Variants in FAM120A observed in about 807,000 individuals in gnomAD.
The protein encoded by FAM120A is constitutive coactivator of PPAR-gamma-like protein 1.
A neutral mutation model predicts 109.7 loss-of-function variants in FAM120A; 15 were observed. That is an observed-to-expected ratio of 0.14 (90% CI 0.09 to 0.21). The LOEUF is 0.21. Among genes scored for constraint, FAM120A ranks in the 10% least tolerant of loss-of-function variants. The pLI is 1.00. For synonymous variants in FAM120A, 493 were observed against 572.8 expected, an observed-to-expected ratio of 0.86 and a Z score of 1.99; for missense variants, 899 against 1,439.3, an observed-to-expected ratio of 0.62 and a Z score of 6.07.
At chr9:93,537,448 T>C (rs985452439) in intron 10 of FAM120A, among the ~76,000 whole-genome samples, 2 of 152,190 alleles carry the variant, frequency 1.3e-5, no homozygotes, top group African/African-American at 4.8e-5. Context: ...TAAAATTGGC[T>C]TTTGTTTCTT....
chr9:93,487,327 A>G (rs1206957498), intron 3 of FAM120A, among the ~76,000 whole-genome samples: 1 of 151,832 alleles, frequency 6.6e-6, no homozygotes, highest in Non-Finnish European at 1.5e-5. Flanking sequence ...ATGCCCAGCT[A>G]ATTTTTGTAT....
At chr9:93,564,129 T>G in intron 17 of FAM120A, 100 bp from the exon 18 acceptor site, 1 of 1,216,388 alleles carries the variant, frequency 8.2e-7, no homozygotes, top group Non-Finnish European at 1.2e-6. Context: ...CATTTTCTGC[T>G]CTTGAATCTG....
intron 5 of FAM120A, among the ~76,000 whole-genome samples, chr9:93,511,966 AT>A (rs1860341873): frequency 6.6e-6 from 1 of 152,006 alleles, no homozygotes; most frequent in Non-Finnish European, 1.5e-5. Context: ...TAATTTTTTT[AT>A]TTTTAGTAGA....
chr9:93,498,729 A>G lies in FAM120A; in HGVS notation c.934-61A>G, dbSNP rs538994484. 5.4e-4 allele frequency: 502 copies of G among 936,588 alleles called. No homozygotes were observed. Among genetic ancestry groups the G allele is most frequent in the Non-Finnish European group, 6.3e-4 (360 of 567,744 alleles). 58.0% of individuals were successfully genotyped at this position (936,588 alleles called of 1,614,324 possible). A position where few individuals can be genotyped will look rare whatever the true frequency, so the allele number is the denominator to read the frequency against. ...ATACATGTGCTGAATTATAAAAAAC[A>G]TTGTGATACACATGACCAGTGGCAC... On this transcript the variant is annotated intron_variant, in intron 4 of 17. Transcript: ENST00000277165. This position sits in a 1 kb window ranked among gnomAD's most constrained non-coding sequence, Gnocchi z 4.4.
At chr9:93,557,806 A>G in intron 13 of FAM120A, 21 bp from the exon 14 acceptor site, 1 of 1,603,912 alleles carries the variant, frequency 6.2e-7, no homozygotes, top group Non-Finnish European at 8.5e-7. Context: ...GCATTTTCAC[A>G]TGCTGGTCCT....
chr9:93,451,931 T>C lies in FAM120A; in HGVS notation c.16T>C (p.Phe6Leu). ...CGCCGCCGCCATGGGCGTGCAGGGC[T>C]TCCAGGACTACATCGAGAAGCACTG... MGVQG[F>L]QDYIEKHCPS... Residue 6 changes from phenylalanine (F) to leucine (L), a missense_variant, in exon 1 of 18, where the codon TTC (phenylalanine) becomes CTC (leucine). By Grantham distance (22) the Phe-to-Leu change is conservative (BLOSUM62 0). Around this residue, in one of 11 missense-constraint regions of FAM120A, gnomAD observed 258 missense variants for 451.4 expected, o/e 0.57. Coordinates refer to ENST00000277165, the MANE Select transcript of FAM120A (RefSeq NM_014612.5). 6.6e-7 allele frequency: 1 copy of C among 1,504,398 alleles called. No homozygotes were observed. 93.2% of individuals were successfully genotyped at this position (1,504,398 alleles called of 1,614,324 possible).
intron 12 of FAM120A, among the ~76,000 whole-genome samples, chr9:93,552,505 T>C (rs1284981553): frequency 1.3e-5 from 2 of 152,206 alleles, no homozygotes; most frequent in Admixed American, 6.5e-5. Flanking sequence ...TTTTCATGAT[T>C]AGTATAAATT....
At chr9:93,513,879 T>C (rs1265718195) in intron 5 of FAM120A, among the ~76,000 whole-genome samples, 1 of 152,220 alleles carries the variant, frequency 6.6e-6, no homozygotes, top group Admixed American at 6.5e-5. Flanking sequence ...CATTTGCTTT[T>C]CAGAGAACGA....
intron 3 of FAM120A, 31 bp from the exon 4 acceptor site, chr9:93,497,440 C>T: frequency 6.2e-7 from 1 of 1,610,274 alleles, no homozygotes; most frequent in South Asian, 1.1e-5. Context: ...TGCTCACCAT[C>T]CACTGTTGAC....
intron 7 of FAM120A, among the ~76,000 whole-genome samples, chr9:93,526,215 G>A (rs1344625569): frequency 6.6e-6 from 1 of 152,154 alleles, no homozygotes; most frequent in East Asian, 1.9e-4. Context: ...TTCCAGTGTG[G>A]TGCTGCATCC....
rs2131214093 is a variant in FAM120A at position 93,460,851 on chromosome 9, C to T, written c.474+8462C>T. 3.3e-5 allele frequency among the ~76,000 whole-genome samples: 5 copies of T among 152,316 alleles called. No homozygotes were observed. The Middle Eastern group carries it at 0.014, about 414-fold the overall frequency. ...CCCCCTAGAGTTAATTCCAAAATCACTGGTGTCAGCTTGGCCACCTGGTGC... is the reference window on the plus strand; with the variant it reads ...CCCCCTAGAGTTAATTCCAAAATCATTGGTGTCAGCTTGGCCACCTGGTGC... On this transcript the variant is annotated intron_variant, in intron 1 of 17. Transcript: ENST00000277165.
At chr9:93,478,776 C>A (rs1386187039) in intron 3 of FAM120A, among the ~76,000 whole-genome samples, 2 of 152,124 alleles carry the variant, frequency 1.3e-5, no homozygotes, top group Non-Finnish European at 2.9e-5. Context: ...GCACCCGGCT[C>A]ACTTTAATGT....
chr9:93,454,044 C>T (rs764092122), intron 1 of FAM120A, among the ~76,000 whole-genome samples: 4 of 152,120 alleles, frequency 2.6e-5, no homozygotes, highest in Non-Finnish European at 5.9e-5. Context: ...CTTTTTAATT[C>T]TACAGTTTCT....
At chr9:93,470,506 A>AT (rs1174778027) in intron 1 of FAM120A, among the ~76,000 whole-genome samples, 3 of 152,258 alleles carry the variant, frequency 2.0e-5, no homozygotes, top group Middle Eastern at 3.4e-3. Context: ...TGAAAAGGCA[A>AT]TTGATATAGA....
At chr9:93,453,685 CT>C in intron 1 of FAM120A, 1 of 941,552 alleles carries the variant, frequency 1.1e-6, no homozygotes, top group Non-Finnish European at 1.3e-6. Context: ...GCCCCTGCGC[CT>C]GGCAGACACA....
At chr9:93,479,184 C>T (rs540344571) in intron 3 of FAM120A, among the ~76,000 whole-genome samples, 188 of 149,092 alleles carry the variant, frequency 1.3e-3, no homozygotes, top group African/African-American at 4.4e-3. Flanking sequence ...CTGCAAGCTC[C>T]GCCTCCCGGT....
At chr9:93,458,785 A>G (rs1857665119) in intron 1 of FAM120A, among the ~76,000 whole-genome samples, 1 of 152,168 alleles carries the variant, frequency 6.6e-6, no homozygotes, top group Non-Finnish European at 1.5e-5. Flanking sequence ...CCCCAGTGGA[A>G]CTAATCTTGC....
At chr9:93,551,766 T>C (rs1862107367) in intron 12 of FAM120A, among the ~76,000 whole-genome samples, 1 of 152,198 alleles carries the variant, frequency 6.6e-6, no homozygotes. Flanking sequence ...GGAGCTCACC[T>C]GAGACTTCTT....
At position 93,497,596 on chromosome 9, in the gene FAM120A, A is replaced by C; in HGVS notation, c.930A>C (p.Ser310=). ...DAIAKDVFQH[S]QSRTDDKVIR... ...TAGCTAAAGATGTTTTCCAGCATTC[A>C]CAGGTAAAAAAAAAAACAAACAAAA... The change falls in exon 4 of 18, where the codon TCA becomes TCC. Residue 310 remains serine (S), a synonymous_variant. Transcript: ENST00000277165. 1 of 1,585,182 alleles carries C rather than the reference A, an allele frequency of 6.3e-7. No individual in the cohort carries two copies. Among genetic ancestry groups the C allele is most frequent in the Admixed American group, 1.9e-5 (1 of 53,532 alleles).
Sources: allele counts gnomAD v4.1 joint callset (sites outside exome capture counted in the v4.1 genomes callset), GRCh38; gene constraint gnomAD v4.1.1; regional missense constraint gnomAD v4.1.1; non-coding constraint Gnocchi (gnomAD v3.1); transcripts MANE v1.5; gene names NCBI Gene and HGNC (gene_info 2026-07-23, HGNC 2026-07-21).